The following ADD1 variants were observed in gnomAD, a reference collection of about 807,000 sequenced individuals.
ADD1 encodes the protein adducin 1, also known as alpha-adducin.
In ADD1, 24 loss-of-function variants were observed where a neutral mutation model predicts 80.5. That is an observed-to-expected ratio of 0.30 (90% CI 0.22 to 0.42). The LOEUF (loss-of-function observed/expected upper bound fraction) is 0.42. ADD1 is among the 10% of genes least tolerant of loss of function. ADD1 has a pLI of 1.00. For synonymous variants in ADD1, 373 were observed against 393.8 expected, an observed-to-expected ratio of 0.95 and a Z score of 0.63; for missense variants, 948 against 1,019.0, an observed-to-expected ratio of 0.93 and a Z score of 0.95.
intron 1 of ADD1, among the ~76,000 whole-genome samples, chr4:2,851,582 G>A (rs906232641): frequency 5.3e-5 from 8 of 152,184 alleles, no homozygotes; most frequent in African/African-American, 1.9e-4. Context: ...CAGTTTAGTA[G>A]GAACTTTGTG....
intron 1 of ADD1, among the ~76,000 whole-genome samples, chr4:2,846,917 A>G (rs1726303328): frequency 6.6e-6 from 1 of 151,772 alleles, no homozygotes; most frequent in African/African-American, 2.4e-5. Context: ...GGAGATCGAG[A>G]CCATCCTGGC....
At position 2,928,302 on chromosome 4, in the gene ADD1, C is replaced by T. The variant is rs1316085477; in HGVS notation, c.2179C>T (p.His727Tyr). The T allele has an allele frequency of 1.9e-6, 3 of 1,613,946 alleles. No homozygotes were observed. Among genetic ancestry groups the T allele is most frequent in the Admixed American group, 3.3e-5 (2 of 59,994 alleles). The change falls in exon 16 of 16, where the codon CAT (histidine) becomes TAT (tyrosine). Residue 727 changes from histidine (H) to tyrosine (Y), a missense_variant. Physicochemically the swap from His to Tyr is moderately conservative, Grantham distance 83 (BLOSUM62 2). Transcript: ENST00000683351. ...FPMLEKEEEA[H>Y]RPPSPTEAPT... The stretch of plus-strand genomic sequence containing the variant: ...AATGTTAGAGAAGGAGGAGGAAGCC[C>T]ATAGACCCCCAAGCCCCACTGAGGC...
intron 14 of ADD1, among the ~76,000 whole-genome samples, chr4:2,923,105 A>T (rs940744254): frequency 6.6e-6 from 1 of 152,152 alleles, no homozygotes. Context: ...GAGCAAGACC[A>T]CTTGGCTCCC....
At chr4:2,880,132 C>CA (rs1732004230) in intron 2 of ADD1, among the ~76,000 whole-genome samples, 1 of 152,128 alleles carries the variant, frequency 6.6e-6, no homozygotes, top group South Asian at 2.1e-4. Context: ...TGCTTGCAGT[C>CA]AGAGTACCTC....
intron 14 of ADD1, among the ~76,000 whole-genome samples, chr4:2,923,582 C>T (rs1027807581): frequency 3.3e-5 from 5 of 152,238 alleles, no homozygotes; most frequent in Non-Finnish European, 7.3e-5. Flanking sequence ...TGTTCCTATT[C>T]GGCCATGTTG....
At chr4:2,852,138 T>TTTCCTTTCTTTCTTTCTTTC (rs1342452606) in intron 1 of ADD1, among the ~76,000 whole-genome samples, 2 of 97,580 alleles carry the variant, frequency 2.0e-5, no homozygotes, top group Non-Finnish European at 4.1e-5. Context: ...ACCCGGCCTC[T>TTTCCTTTCTTTCTTTCTTTC]TTTCTTTCTT....
intron 6 of ADD1, among the ~76,000 whole-genome samples, chr4:2,896,899 C>T (rs1455951469): frequency 1.3e-5 from 2 of 152,100 alleles, no homozygotes; most frequent in African/African-American, 4.8e-5. Context: ...GGTGGGACTA[C>T]AGGTGCACGC....
intron 1 of ADD1, among the ~76,000 whole-genome samples, chr4:2,854,496 T>C (rs1389944621): frequency 6.6e-6 from 1 of 152,224 alleles, no homozygotes; most frequent in Admixed American, 6.5e-5. Context: ...GGTAATCTCA[T>C]TATGGTAGAT....
chr4:2,847,171 C>T (rs1726359530), intron 1 of ADD1, among the ~76,000 whole-genome samples: 1 of 151,950 alleles, frequency 6.6e-6, no homozygotes, highest in African/African-American at 2.4e-5. Flanking sequence ...GCTCACAATC[C>T]CGGCACTTTG....
At chr4:2,916,520 GTC>G (rs1015652917) in intron 14 of ADD1, among the ~76,000 whole-genome samples, 5 of 151,846 alleles carry the variant, frequency 3.3e-5, no homozygotes, top group African/African-American at 1.2e-4. Context: ...AGAGACTTTT[GTC>G]TCTCTCTCTC....
chr4:2,905,188 C>T (rs1210675635), intron 10 of ADD1, 80 bp downstream of exon 10: 1 of 1,388,962 alleles, frequency 7.2e-7, no homozygotes, highest in East Asian at 2.3e-5. Flanking sequence ...TTTGGGAATC[C>T]AGCCTTTCTG....
At chr4:2,860,694 T>G (rs528808887) in intron 1 of ADD1, among the ~76,000 whole-genome samples, 1 of 152,330 alleles carries the variant, frequency 6.6e-6, no homozygotes, top group Non-Finnish European at 1.5e-5. Context: ...GGAGATAGTT[T>G]ATTTCTGACA....
Position 2,926,391 on chromosome 4 carries a change from C to T in ADD1, c.2047+279C>T. 1 of 702,002 alleles carries T rather than the reference C, an allele frequency of 1.4e-6. No homozygotes were observed. The highest frequency in any genetic ancestry group is 2.6e-6 in the Non-Finnish European group (1 of 386,392). 43.5% of individuals were successfully genotyped at this position (702,002 alleles called of 1,614,324 possible). On this transcript the variant is annotated intron_variant, in intron 15 of 15. Coordinates refer to ENST00000683351, the MANE Select transcript of ADD1 (RefSeq NM_001354761.2). This position sits in a 1 kb window ranked among gnomAD's most constrained non-coding sequence, Gnocchi z 5.0. ...CACGTTGCCCATTGCTCGCACACTCCTCGTGCCGTGTTGTCATGCAGATGC... is the reference window on the plus strand; with the variant it reads ...CACGTTGCCCATTGCTCGCACACTCTTCGTGCCGTGTTGTCATGCAGATGC...
At chr4:2,897,150 G>A (rs1368603648) in intron 6 of ADD1, among the ~76,000 whole-genome samples, 1 of 152,018 alleles carries the variant, frequency 6.6e-6, no homozygotes, top group African/African-American at 2.4e-5. Context: ...ATGTGGTATT[G>A]TCTTTTTAGG....
chr4:2,876,151 C>G, intron 2 of ADD1, 41 bp downstream of exon 2: 5 of 1,571,794 alleles, frequency 3.2e-6, no homozygotes, highest in Non-Finnish European at 4.3e-6. Flanking sequence ...TGTCATCTTT[C>G]CTTTTCTAAT....
intron 14 of ADD1, among the ~76,000 whole-genome samples, chr4:2,915,868 G>C (rs921512820): frequency 2.6e-5 from 4 of 152,138 alleles, no homozygotes; most frequent in Non-Finnish European, 5.9e-5. Context: ...GGAGGGAGAC[G>C]TGTGTAAATG....
chr4:2,844,453 A>G (rs1427732781), intron 1 of ADD1: 1 of 152,216 alleles, frequency 6.6e-6, no homozygotes, highest in Non-Finnish European at 1.5e-5. Flanking sequence ...TCGTATTTAA[A>G]AACGACGGCT....
intron 1 of ADD1, among the ~76,000 whole-genome samples, chr4:2,873,925 G>A (rs1029087822): frequency 6.6e-6 from 1 of 152,206 alleles, no homozygotes; most frequent in African/African-American, 2.4e-5. Flanking sequence ...AAGTTTCAGA[G>A]ATTCCACTTA....
At chr4:2,888,492 C>T (rs1733767036) in intron 4 of ADD1, among the ~76,000 whole-genome samples, 2 of 151,606 alleles carry the variant, frequency 1.3e-5, no homozygotes, top group South Asian at 4.2e-4. Context: ...TCTCGGCTCA[C>T]TCAACCTCTA....
Sources: allele counts gnomAD v4.1 joint callset (sites outside exome capture counted in the v4.1 genomes callset), GRCh38; gene constraint gnomAD v4.1.1; non-coding constraint Gnocchi (gnomAD v3.1); transcripts MANE v1.5; gene names NCBI Gene and HGNC (gene_info 2026-07-23, HGNC 2026-07-21).